AGBL1: variants seen among roughly 807,000 people sequenced by gnomAD.
AGBL1 encodes AGBL carboxypeptidase 1, also known as cytosolic carboxypeptidase 4.
A neutral mutation model predicts 118.9 loss-of-function variants in AGBL1; 130 were observed. The observed-to-expected ratio is 1.09, with a 90% CI of 0.95 to 1.26. AGBL1 has a LOEUF of 1.26. Ranked by LOEUF, AGBL1 falls within the 50% of genes most tolerant of loss-of-function variation. The pLI is 0.00. For synonymous variants in AGBL1, 555 were observed against 478.9 expected, an observed-to-expected ratio of 1.16 and a Z score of -2.08; for missense variants, 1,584 against 1,298.1, an observed-to-expected ratio of 1.22 and a Z score of -3.38.
Position 86,841,211 on chromosome 15 carries a change from G to A in AGBL1, c.3159-65876G>A, listed in dbSNP as rs58304538. On this transcript the variant is annotated intron_variant, in intron 22 of 22. Transcript: ENST00000614907. ...AAGAAAGATGGCAGTTGACCAAACAGATAAAATACAAGTGTTGCTGAGACC... is the reference window on the plus strand; with the variant it reads ...AAGAAAGATGGCAGTTGACCAAACAAATAAAATACAAGTGTTGCTGAGACC... Among the ~76,000 whole-genome samples the A allele has an allele frequency of 1.8e-3, 279 of 152,224 alleles. 7 individuals are homozygous for A. In the East Asian group the frequency reaches 0.046, roughly 25 times the overall value.
intron 21 of AGBL1, among the ~76,000 whole-genome samples, chr15:86,567,359 C>G (rs2083931474): frequency 6.6e-6 from 1 of 152,266 alleles, no homozygotes; most frequent in Non-Finnish European, 1.5e-5. Flanking sequence ...TTATTATCCA[C>G]TCATTTATTC....
chr15:86,822,099 C>T (rs1567191188), intron 22 of AGBL1, among the ~76,000 whole-genome samples: 1 of 152,152 alleles, frequency 6.6e-6, no homozygotes, highest in African/African-American at 2.4e-5. Flanking sequence ...GATTTATTGC[C>T]ATTTGGGATG....
chr15:86,809,945 A>AC (rs2078766259), intron 22 of AGBL1, among the ~76,000 whole-genome samples: 2 of 152,064 alleles, frequency 1.3e-5, no homozygotes, highest in Non-Finnish European at 1.5e-5. Context: ...TAATAGGATA[A>AC]ATAATTACCT....
chr15:86,555,143 G>A (rs1486346561), intron 21 of AGBL1, among the ~76,000 whole-genome samples: 1 of 152,202 alleles, frequency 6.6e-6, no homozygotes, highest in African/African-American at 2.4e-5. Flanking sequence ...AACTGCATGA[G>A]CAGCTGGATA....
intron 5 of AGBL1, among the ~76,000 whole-genome samples, chr15:86,203,285 G>A (rs919026066): frequency 2.6e-5 from 4 of 152,128 alleles, no homozygotes; most frequent in Admixed American, 6.6e-5. Context: ...GAGCTTGATA[G>A]CAATTTTAAA....
At chr15:86,864,484 T>C (rs974411052) in intron 22 of AGBL1, among the ~76,000 whole-genome samples, 4 of 152,084 alleles carry the variant, frequency 2.6e-5, no homozygotes, top group African/African-American at 9.7e-5. Flanking sequence ...GATAAGAAAA[T>C]GGATATGCAG....
At chr15:86,476,882 T>A in intron 18 of AGBL1, among the ~76,000 whole-genome samples, 1 of 152,242 alleles carries the variant, frequency 6.6e-6, no homozygotes, top group Non-Finnish European at 1.5e-5. Flanking sequence ...ACAAAGTGTC[T>A]CTCAGACCAC....
intron 21 of AGBL1, among the ~76,000 whole-genome samples, chr15:86,622,525 T>C (rs2084826699): frequency 6.6e-6 from 1 of 151,748 alleles, no homozygotes; most frequent in Non-Finnish European, 1.5e-5. Flanking sequence ...TAATAGTAAA[T>C]AAAATAGAGA....
chr15:87,031,442 T>A (rs2081781578), downstream of AGBL1, among the ~76,000 whole-genome samples: 1 of 151,634 alleles, frequency 6.6e-6, no homozygotes, highest in Admixed American at 6.6e-5. Flanking sequence ...AGATAAAAAA[T>A]GTAACTTCAT....
intron 22 of AGBL1, among the ~76,000 whole-genome samples, chr15:86,799,062 T>G (rs1034636107): frequency 5.3e-5 from 8 of 152,056 alleles, no homozygotes; most frequent in African/African-American, 1.9e-4. Context: ...GCTCAGTGTC[T>G]GGGTAGGAAT....
intron 22 of AGBL1, among the ~76,000 whole-genome samples, chr15:86,843,812 A>C (rs2079281108): frequency 6.6e-6 from 1 of 152,146 alleles, no homozygotes; most frequent in Non-Finnish European, 1.5e-5. Flanking sequence ...GTATGTAATG[A>C]AATCATCACC....
chr15:86,927,544 A>G (rs1485804304), intron 23 of AGBL1, among the ~76,000 whole-genome samples: 2 of 152,172 alleles, frequency 1.3e-5, no homozygotes, highest in African/African-American at 4.8e-5. Flanking sequence ...CTATGATCAT[A>G]CTACTGCACT....
chr15:86,117,426 C>G (rs1230059862), intron 1 of AGBL1, among the ~76,000 whole-genome samples: 4 of 152,030 alleles, frequency 2.6e-5, no homozygotes, highest in Non-Finnish European at 5.9e-5. Flanking sequence ...ATTGACCTAC[C>G]TGTAATTTCC....
chr15:86,660,563 A>AT (rs570116024), intron 21 of AGBL1, among the ~76,000 whole-genome samples: 1,557 of 148,892 alleles, frequency 0.01, 23 homozygotes, highest in African/African-American at 0.033. Context: ...TAGTCAACAC[A>AT]TTTTTTTTTT....
At chr15:86,317,510 G>A (rs2080033078) in intron 17 of AGBL1, among the ~76,000 whole-genome samples, 1 of 152,172 alleles carries the variant, frequency 6.6e-6, no homozygotes, top group African/African-American at 2.4e-5. Context: ...TATGAATGAT[G>A]AATCGGCACC....
intron 19 of AGBL1, among the ~76,000 whole-genome samples, chr15:86,526,420 G>C (rs2083262550): frequency 6.6e-6 from 1 of 151,620 alleles, no homozygotes; most frequent in Non-Finnish European, 1.5e-5. Context: ...GCACATATAT[G>C]TTTATTGCAG....
At chr15:86,472,709 A>G (rs1458768236) in intron 18 of AGBL1, among the ~76,000 whole-genome samples, 1 of 152,228 alleles carries the variant, frequency 6.6e-6, no homozygotes, top group Non-Finnish European at 1.5e-5. Context: ...ACCTGAGGTC[A>G]GGAGTTCAAG....
intron 13 of AGBL1, among the ~76,000 whole-genome samples, chr15:86,268,380 C>T (rs993821750): frequency 6.6e-6 from 1 of 152,146 alleles, no homozygotes; most frequent in Non-Finnish European, 1.5e-5. Context: ...CCTGCTTTTA[C>T]TATTTCTTCT....
intron 1 of AGBL1, among the ~76,000 whole-genome samples, chr15:86,102,492 C>G (rs953680159): frequency 3.3e-5 from 5 of 152,168 alleles, no homozygotes. Flanking sequence ...TACCTTTTCT[C>G]AGCTTTTGCT....
Sources: gnomAD v4.1 joint callset for allele counts (sites outside exome capture counted in the v4.1 genomes callset) on GRCh38, gnomAD v4.1.1 for gene constraint, MANE v1.5 for transcripts, NCBI Gene and HGNC (gene_info 2026-07-23, HGNC 2026-07-21) for gene names.